PTPRG: variants seen among roughly 807,000 people sequenced by gnomAD.
PTPRG encodes protein tyrosine phosphatase receptor type G.
PTPRG carries 102 observed loss-of-function variants against 165.3 expected under a neutral mutation model. The ratio of observed to expected loss-of-function variants is 0.62; its 90% CI spans 0.53 to 0.73. The LOEUF (loss-of-function observed/expected upper bound fraction) is 0.73, where lower values mean the gene tolerates loss of function less well. Ranked by LOEUF, PTPRG falls within the 30% of genes least tolerant of loss-of-function variation. The pLI, the probability that PTPRG is intolerant of heterozygous loss-of-function variation, is 0.00. For missense variants in PTPRG, 1,866 were observed against 1,861.4 expected, an observed-to-expected ratio of 1.00 and a Z score of -0.05; for synonymous variants, 675 against 669.5, an observed-to-expected ratio of 1.01 and a Z score of -0.13.
chr3:62,146,191 C>T lies in PTPRG; in HGVS notation c.683-10876C>T, dbSNP rs57848360. Among the ~76,000 whole-genome samples, 492 of 152,300 alleles carry T rather than the reference C, an allele frequency of 3.2e-3. 3 individuals are homozygous for T. Among genetic ancestry groups the T allele is most frequent in the African/African-American group, 0.011 (474 of 41,568 alleles). On this transcript the variant is annotated intron_variant, in intron 6 of 29. Coordinates refer to ENST00000474889, the MANE Select transcript of PTPRG (RefSeq NM_002841.4). ...TTGACAAGACTGCTATCTTTATGTGCTTTCTCTTTGGAAATATTAATGTCA... is the reference window on the plus strand; with the variant it reads ...TTGACAAGACTGCTATCTTTATGTGTTTTCTCTTTGGAAATATTAATGTCA...
chr3:61,939,703 A>G (rs936049567), intron 2 of PTPRG, among the ~76,000 whole-genome samples: 2 of 152,180 alleles, frequency 1.3e-5, no homozygotes, highest in Admixed American at 6.5e-5. Flanking sequence ...AGATTTTATT[A>G]TTTGAGAAGT....
intron 2 of PTPRG, among the ~76,000 whole-genome samples, chr3:61,809,956 A>AC (rs1393066088): frequency 6.6e-6 from 1 of 152,116 alleles, no homozygotes; most frequent in Non-Finnish European, 1.5e-5. Context: ...TGCATACTTC[A>AC]CCTCAGGTGT....
chr3:61,908,121 TAAAA>T (rs1183592777), intron 2 of PTPRG, among the ~76,000 whole-genome samples: 4 of 67,150 alleles, frequency 6.0e-5, no homozygotes, highest in African/African-American at 1.1e-4. Flanking sequence ...CACCTCTCTT[TAAAA>T]AAAAAAAAAA....
At chr3:61,621,301 C>T (rs979156987) in intron 1 of PTPRG, among the ~76,000 whole-genome samples, 6 of 151,862 alleles carry the variant, frequency 4.0e-5, no homozygotes, top group African/African-American at 9.7e-5. Context: ...AATGTTGGGC[C>T]GTCCTTCCTT....
intron 1 of PTPRG, among the ~76,000 whole-genome samples, chr3:61,631,127 G>C (rs6445229): frequency 0.087 from 13,115 of 151,522 alleles, 689 homozygotes; most frequent in East Asian, 0.21. Flanking sequence ...TCAGACTATT[G>C]GAAGCAGGGA....
chr3:61,616,786 A>G (rs1477251972), intron 1 of PTPRG, among the ~76,000 whole-genome samples: 3 of 152,110 alleles, frequency 2.0e-5, no homozygotes, highest in Non-Finnish European at 4.4e-5. Context: ...TTAATACGCA[A>G]CTTTATGTGG....
At chr3:62,194,835 C>T (rs945489199) in intron 9 of PTPRG, among the ~76,000 whole-genome samples, 3 of 151,998 alleles carry the variant, frequency 2.0e-5, no homozygotes, top group African/African-American at 7.2e-5. Context: ...GTTACTCTTT[C>T]CTGTGTCCTG....
At chr3:61,978,731 T>A (rs1414339197) in intron 2 of PTPRG, among the ~76,000 whole-genome samples, 1 of 152,212 alleles carries the variant, frequency 6.6e-6, no homozygotes, top group African/African-American at 2.4e-5. Flanking sequence ...ATGATAAATA[T>A]TTTAGACTTT....
At chr3:62,248,736 C>T (rs1044106101) in intron 15 of PTPRG, among the ~76,000 whole-genome samples, 5 of 152,180 alleles carry the variant, frequency 3.3e-5, no homozygotes, top group Non-Finnish European at 7.3e-5. Context: ...TACTGTCAGA[C>T]ACAAATGTCC....
At chr3:61,759,534 T>A (rs1221284421) in intron 2 of PTPRG, among the ~76,000 whole-genome samples, 1 of 151,662 alleles carries the variant, frequency 6.6e-6, no homozygotes, top group Non-Finnish European at 1.5e-5. Context: ...CTCACGCCTG[T>A]AAGTCCCAGC....
At chr3:61,719,385 C>T (rs913110203) in intron 1 of PTPRG, among the ~76,000 whole-genome samples, 11 of 152,204 alleles carry the variant, frequency 7.2e-5, no homozygotes, top group African/African-American at 2.4e-4. Flanking sequence ...TGACTGGTGT[C>T]GAGGTCTTTT....
chr3:61,732,013 A>G lies in PTPRG; in HGVS notation c.86-16865A>G, dbSNP rs2032521908. ...GACGGGGGAGTTCACCATGTTGGCCAGGCTGGTCTTGAACTCTTGACCTCA... is the reference window on the plus strand; with the variant it reads ...GACGGGGGAGTTCACCATGTTGGCCGGGCTGGTCTTGAACTCTTGACCTCA... On this transcript the variant is annotated intron_variant, in intron 1 of 29. Coordinates refer to ENST00000474889, the MANE Select transcript of PTPRG (RefSeq NM_002841.4). Among the ~76,000 whole-genome samples the G allele has an allele frequency of 2.6e-5, 4 of 151,978 alleles. No individual in the cohort carries two copies. The South Asian group carries it at 8.3e-4, about 32-fold the overall frequency.
chr3:61,779,629 C>A lies in PTPRG; in HGVS notation c.190+30647C>A, dbSNP rs565428311. On this transcript the variant is annotated intron_variant, in intron 2 of 29. Coordinates refer to ENST00000474889, the MANE Select transcript of PTPRG (RefSeq NM_002841.4). ...CTCAGAGGGTAGATATCCTACCAAA[C>A]CTTTCAGCTTTAGGAAGATTAGCTT... Among the ~76,000 whole-genome samples the A allele has an allele frequency of 2.2e-4, 33 of 152,244 alleles. No homozygotes were observed. The South Asian group carries it at 6.6e-3, about 31-fold the overall frequency.
intron 2 of PTPRG, among the ~76,000 whole-genome samples, chr3:61,906,107 A>G (rs1334767638): frequency 6.6e-6 from 1 of 151,810 alleles, no homozygotes. Context: ...TTTGCTGTGG[A>G]GAAAGTGAAG....
intron 2 of PTPRG, among the ~76,000 whole-genome samples, chr3:61,984,395 TTG>T (rs1343841817): frequency 3.9e-5 from 6 of 152,292 alleles, no homozygotes; most frequent in Middle Eastern, 3.4e-3. Context: ...CCTTCGTCTT[TTG>T]TGTTTGCAGA....
intron 2 of PTPRG, among the ~76,000 whole-genome samples, chr3:61,933,015 T>C (rs975029314): frequency 6.6e-6 from 1 of 152,210 alleles, no homozygotes; most frequent in African/African-American, 2.4e-5. Context: ...GAAACCCATA[T>C]GGCTGAGAAT....
chr3:62,037,517 G>T (rs147509515), intron 4 of PTPRG, among the ~76,000 whole-genome samples: 2 of 152,160 alleles, frequency 1.3e-5, no homozygotes, highest in Admixed American at 6.5e-5. Context: ...TATCCCTTGG[G>T]GGGGCAAAAT....
chr3:61,943,829 A>T (rs2039690966), intron 2 of PTPRG, among the ~76,000 whole-genome samples: 1 of 152,172 alleles, frequency 6.6e-6, no homozygotes, highest in Non-Finnish European at 1.5e-5. Flanking sequence ...GGATTGGATA[A>T]CTGCTGCTTA....
intron 5 of PTPRG, 32 bp from the exon 6 acceptor site, chr3:62,132,570 G>A: frequency 1.3e-6 from 2 of 1,532,180 alleles, no homozygotes; most frequent in Non-Finnish European, 1.8e-6. Flanking sequence ...TGCCAGAATA[G>A]ATTTAACCAA....
Sources: allele counts gnomAD v4.1 joint callset (sites outside exome capture counted in the v4.1 genomes callset), GRCh38; gene constraint gnomAD v4.1.1; transcripts MANE v1.5; gene names NCBI Gene and HGNC (gene_info 2026-07-23, HGNC 2026-07-21).